The following HYAL1 variants were observed in gnomAD, a reference collection of about 807,000 sequenced individuals.
The protein encoded by HYAL1 is hyaluronidase-1.
Under a neutral mutation model 28.8 loss-of-function variants are expected in HYAL1, and 21 were observed. The observed-to-expected ratio is 0.73, with a 90% CI of 0.52 to 1.05. The LOEUF (loss-of-function observed/expected upper bound fraction) is 1.05, where lower values mean the gene tolerates loss of function less well. Ranked by LOEUF, HYAL1 falls within the 50% of genes least tolerant of loss-of-function variation. The pLI, the probability that HYAL1 is intolerant of heterozygous loss-of-function variation, is 0.00. For synonymous variants in HYAL1, 200 were observed against 230.1 expected (o/e 0.87, Z 1.18); for missense variants, 491 against 579.2 (o/e 0.85, Z 1.56).
At chr3:50,311,265 G>A (rs1702443992) in intron 1 of HYAL1, among the ~76,000 whole-genome samples, 1 of 143,344 alleles carries the variant, frequency 7.0e-6, no homozygotes, top group Non-Finnish European at 1.6e-5. Context: ...CGGGGCGGGG[G>A]GCTGACCCCC....
Position 50,302,881 on chromosome 3 carries a change from A to T in HYAL1, c.76T>A (p.Leu26Met), listed in dbSNP as rs1702229220. 1 of 1,612,682 alleles carries T rather than the reference A, an allele frequency of 6.2e-7. No homozygotes were observed. ...LDMAQGFRGP[L>M]LPNRPFTTVW... is the part of the protein sequence containing the mutation. The stretch of plus-strand genomic sequence containing the variant: ...GTGGTGAAGGGCCGGTTGGGTAGCA[A>T]GGGGCCCCTAAAGCCTTGGGCCATA... Residue 26 changes from leucine (L) to methionine (M), a missense_variant, in exon 2 of 4, where the codon TTG (leucine) becomes ATG (methionine). By Grantham distance (15) the Leu-to-Met change is conservative. Transcript: ENST00000395144. This position sits in a 1 kb window ranked among gnomAD's most constrained non-coding sequence, Gnocchi z 5.0.
chr3:50,312,101 G>T (rs1301395676), intron 1 of HYAL1, among the ~76,000 whole-genome samples: 17 of 148,018 alleles, frequency 1.1e-4, no homozygotes, highest in African/African-American at 4.3e-4. Context: ...GGACGGGGCG[G>T]CTGGCCGGGC....
upstream of HYAL1, chr3:50,304,001 G>A (rs1244413801): frequency 4.6e-5 from 7 of 152,176 alleles, no homozygotes; most frequent in Admixed American, 2.0e-4. Context: ...AGGTGCGGAG[G>A]CTCACGCCTA....
At chr3:50,311,077 G>A (rs1194769314) in intron 1 of HYAL1, among the ~76,000 whole-genome samples, 1 of 151,982 alleles carries the variant, frequency 6.6e-6, no homozygotes, top group East Asian at 1.9e-4. Flanking sequence ...CCACAAAACC[G>A]CCATTGTCAT....
chr3:50,303,226 G>C (rs1575518347), intron 1 of HYAL1: 1 of 391,282 alleles, frequency 2.6e-6, no homozygotes, highest in East Asian at 3.9e-5. Flanking sequence ...TCTAGCCTAA[G>C]CTCGCCCACC....
Position 50,300,090 on chromosome 3 carries a change from A to C in HYAL1, c.*393T>G, listed in dbSNP as rs963599165. 1.4e-5 allele frequency: 4 copies of C among 295,092 alleles called. No individual in the cohort carries two copies. The Admixed American group carries it at 1.8e-4, about 13-fold the overall frequency. 18.3% of individuals were successfully genotyped at this position (295,092 alleles called of 1,614,324 possible). Reference sequence around the variant, plus strand: ...TGCTTACTCTCAATGTGAGTGACTCAGTTTCCTCATAGCCTCATTGTGAGG... The same window carrying C: ...TGCTTACTCTCAATGTGAGTGACTCCGTTTCCTCATAGCCTCATTGTGAGG... On this transcript the variant is annotated 3_prime_UTR_variant, in exon 4 of 4. Transcript: ENST00000395144.
At chr3:50,311,614 C>G (rs1373501000) in intron 1 of HYAL1, among the ~76,000 whole-genome samples, 4 of 137,408 alleles carry the variant, frequency 2.9e-5, no homozygotes, top group African/African-American at 2.8e-5. Context: ...GCTGGCCGGG[C>G]GGGGGGCTGA....
In HYAL1 at chr3:50,302,961, C is replaced by T. The variant is rs368638384; in HGVS notation, c.-5G>A. The T allele has an allele frequency of 5.2e-6, 8 of 1,552,418 alleles. No individual in the cohort carries two copies. The highest frequency in any genetic ancestry group is 1.2e-5 in the South Asian group (1 of 81,238). ...GGGAAGCAGGTGGGCTGCCATGGCA[C>T]GGGACTGGTCGAGGACAACCTGGCC... On this transcript the variant is annotated 5_prime_UTR_variant, in exon 2 of 4. In the 5' UTR this introduces an upstream ATG that the reference lacks. Transcript: ENST00000395144. The surrounding 1 kb of genome is among the most constrained non-coding windows in gnomAD (Gnocchi z 5.0).
intron 1 of HYAL1, 30 bp from the exon 2 acceptor site, chr3:50,303,010 G>A: frequency 2.0e-6 from 3 of 1,501,226 alleles, no homozygotes; most frequent in East Asian, 2.3e-5. Flanking sequence ...CTGAGAACAG[G>A]TTGCAAAGTC....
chr3:50,301,105 G>A (rs372190866), intron 2 of HYAL1, 28 bp from the exon 3 acceptor site: 2 of 1,464,284 alleles, frequency 1.4e-6, no homozygotes, highest in South Asian at 1.1e-5. Flanking sequence ...CAGCTCTGTG[G>A]GGCCTCCTTC....
At chr3:50,307,456 G>A (rs183514517), upstream of HYAL1, among the ~76,000 whole-genome samples, 28 of 150,642 alleles carry the variant, frequency 1.9e-4, 3 homozygotes, top group African/African-American at 5.2e-4. Context: ...CGAGGCGGGC[G>A]GATCACAAGG....
At chr3:50,306,341 G>C (rs1702335403), upstream of HYAL1, among the ~76,000 whole-genome samples, 1 of 148,860 alleles carries the variant, frequency 6.7e-6, no homozygotes, top group Admixed American at 6.8e-5. Context: ...GCTTCCAACA[G>C]GGAAAATTAG....
chr3:50,311,896 T>C (rs1702471466), intron 1 of HYAL1, among the ~76,000 whole-genome samples: 1 of 136,032 alleles, frequency 7.4e-6, no homozygotes, highest in African/African-American at 2.9e-5. Context: ...GGCGGGGGGC[T>C]GATCCCCCCT....
In HYAL1 at chr3:50,300,542, T is replaced by G. The variant is rs782031924; in HGVS notation, c.1249A>C (p.Lys417Gln). Residue 417 changes from lysine (K) to glutamine (Q), a missense_variant, in exon 4 of 4, where the codon AAA (lysine) becomes CAA (glutamine). Transcript: ENST00000395144. The part of the protein sequence containing the change: ...EDQAQMAVEF[K>Q]CRCYPGWQAP... ...TGCCAGCCAGGGTAGCATCGACATT[T>G]GAACTCCACAGCCATCTGTGCCTGA... is the stretch of plus-strand genomic sequence containing the variant. 1 of 1,614,210 alleles carries G rather than the reference T, an allele frequency of 6.2e-7. No homozygotes were observed. Among genetic ancestry groups the G allele is most frequent in the Non-Finnish European group, 8.5e-7 (1 of 1,180,038 alleles).
At position 50,300,362 on chromosome 3, in the gene HYAL1, G is replaced by A. The variant is rs1702069926; in HGVS notation, c.*121C>T. 2.1e-6 allele frequency: 2 copies of A among 972,596 alleles called. No homozygotes were observed. Among genetic ancestry groups the A allele is most frequent in the Admixed American group, 1.8e-5 (1 of 54,138 alleles). 60.2% of individuals were successfully genotyped at this position (972,596 alleles called of 1,614,324 possible). ...GTGTGCAGGGAATATGCCTGTGACA[G>A]TGGCTGAGTGTACTCTTTACTGTGA... On this transcript the variant is annotated 3_prime_UTR_variant, in exon 4 of 4. Coordinates refer to ENST00000395144, the MANE Select transcript of HYAL1 (RefSeq NM_033159.4).
At chr3:50,310,561 C>T (rs587635981) in intron 1 of HYAL1, among the ~76,000 whole-genome samples, 1 of 150,872 alleles carries the variant, frequency 6.6e-6, no homozygotes, top group African/African-American at 2.4e-5. Context: ...CCACTGCAAT[C>T]GGCCACTGTG....
rs1553713194 is a variant in HYAL1, at chr3:50,302,388, C to T, written c.569G>A (p.Gly190Glu). The T allele has an allele frequency of 1.9e-6, 3 of 1,613,710 alleles. No homozygotes were observed. The South Asian group carries it at 3.3e-5, about 18-fold the overall frequency. ...RAWMAGTLQL[G>E]RALRPRGLWG... The stretch of plus-strand genomic sequence containing the variant: ...GAGGCCGCGAGGACGCAGTGCCCGC[C>T]CCAGCTGGAGGGTGCCTGCCATCCA... Residue 190 changes from glycine (G) to glutamate (E), a missense_variant, in exon 2 of 4, where the codon GGG becomes GAG. Physicochemically the swap from Gly to Glu is moderately conservative, Grantham distance 98. Coordinates refer to ENST00000395144, the MANE Select transcript of HYAL1 (RefSeq NM_033159.4). This position sits in a 1 kb window ranked among gnomAD's most constrained non-coding sequence, Gnocchi z 5.0.
At chr3:50,311,836 A>T (rs1278111466) in intron 1 of HYAL1, among the ~76,000 whole-genome samples, 30 of 75,278 alleles carry the variant, frequency 4.0e-4, no homozygotes, top group East Asian at 1.5e-3. Flanking sequence ...GCGGCTGGCC[A>T]GGCGGGGGGC....
Position 50,300,403 on chromosome 3 carries a change from CTG to C in HYAL1, c.*78_*79del. The stretch of plus-strand genomic sequence containing the variant: ...TTTACTGTGACCATGACTTGTATGA[CTG>C]TGCATGTATTTGAGGAAGCCCTGGC... On this transcript the variant is annotated 3_prime_UTR_variant, in exon 4 of 4. Transcript: ENST00000395144. 2 of 1,366,864 alleles carry C rather than the reference CTG, an allele frequency of 1.5e-6. No homozygotes were observed. The highest frequency in any genetic ancestry group is 1.0e-6 in the Non-Finnish European group (1 of 956,728). The allele number at this position is 1,366,864 out of a possible 1,614,324, so 84.7% of individuals were successfully genotyped here. A position where few individuals can be genotyped will look rare whatever the true frequency, so the allele number is the denominator to read the frequency against.
Sources: gnomAD v4.1 joint callset for allele counts (sites outside exome capture counted in the v4.1 genomes callset) on GRCh38, gnomAD v4.1.1 for gene constraint, Gnocchi (gnomAD v3.1) non-coding constraint, MANE v1.5 for transcripts, NCBI Gene and HGNC (gene_info 2026-07-23, HGNC 2026-07-21) for gene names.